ZNF491: variants seen among roughly 807,000 people sequenced by gnomAD.
The protein encoded by ZNF491 is zinc finger protein 491.
In ZNF491, 22 loss-of-function variants were observed where a neutral mutation model predicts 34.7. That is an observed-to-expected ratio of 0.63 (90% CI 0.45 to 0.90). The LOEUF (loss-of-function observed/expected upper bound fraction) is 0.90. Ranked by LOEUF, ZNF491 falls within the 40% of genes least tolerant of loss-of-function variation. The probability of loss-of-function intolerance (pLI) is 0.00; values close to 1 mark genes in which losing one functional copy is unlikely to be tolerated. For synonymous variants in ZNF491, 148 were observed against 174.3 expected (o/e 0.85, Z 1.19); for missense variants, 559 against 531.7 (o/e 1.05, Z -0.51).
chr19:11,806,711 C>A lies in ZNF491; in HGVS notation c.758C>A (p.Ser253Tyr), dbSNP rs564370951. 5.6e-6 allele frequency: 9 copies of A among 1,613,470 alleles called. No individual in the cohort carries two copies. The Admixed American group carries it at 1.5e-4, about 27-fold the overall frequency. ...TGTAAACTATATGGGAAAGCATTAT[C>A]TCGCCTTATAAGCTTTCGAAGACAC... Reference protein sequence around the residue: ...YECKLYGKALSRLISFRRHMR... With the variant: ...YECKLYGKALYRLISFRRHMR... The change falls in exon 3 of 3, where the codon TCT becomes TAT. Residue 253 changes from serine (S) to tyrosine (Y), a missense_variant. Coordinates refer to ENST00000323169, the MANE Select transcript of ZNF491 (RefSeq NM_152356.4).
chr19:11,806,126 C>T lies in ZNF491; in HGVS notation c.173C>T (p.Thr58Ile). Reference sequence around the variant, plus strand: ...TCATCCTTTAATAGGAACATCAGAACTGACACTGGACACCAACCACATAAG... The same window carrying T: ...TCATCCTTTAATAGGAACATCAGAATTGACACTGGACACCAACCACATAAG... ...GYSSFNRNIR[T>I]DTGHQPHKCQ... Residue 58 changes from threonine (T) to isoleucine (I), a missense_variant, in exon 3 of 3, where the codon ACT (threonine) becomes ATT (isoleucine). Physicochemically the swap from Thr to Ile is moderately conservative, Grantham distance 89. Transcript: ENST00000323169. The T allele has an allele frequency of 6.2e-7, 1 of 1,613,890 alleles. No homozygotes were observed.
rs1975614941 is a variant in ZNF491 at position 11,806,490 on chromosome 19, A to T, written c.537A>T (p.Arg179Ser). 8 of 1,613,968 alleles carry T rather than the reference A, an allele frequency of 5.0e-6. No homozygotes were observed. The highest frequency in any genetic ancestry group is 2.2e-5 in the South Asian group (2 of 91,048). ...SWHSSVRIHE[R>S]THTGEKPYEC... ...ACAGTTCTGTTCGAATCCATGAAAG[A>T]ACTCACACTGGGGAGAAGCCATATG... Residue 179 changes from arginine (R) to serine (S), a missense_variant, in exon 3 of 3, where the codon AGA (arginine) becomes AGT (serine). Transcript: ENST00000323169.
chr19:11,803,007 A>C (rs1057088658), intron 1 of ZNF491, among the ~76,000 whole-genome samples: 2 of 145,974 alleles, frequency 1.4e-5, no homozygotes, highest in Admixed American at 1.4e-4. Context: ...TCCAAGATGG[A>C]CTCTCACTCT....
At chr19:11,805,516 A>T (rs887788617) in intron 2 of ZNF491, among the ~76,000 whole-genome samples, 12 of 151,976 alleles carry the variant, frequency 7.9e-5, no homozygotes, top group African/African-American at 2.9e-4. Flanking sequence ...TGTTTAAACA[A>T]TTCAGACAGG....
intron 1 of ZNF491, 127 bp from the exon 2 acceptor site, chr19:11,804,415 C>T: frequency 7.8e-7 from 1 of 1,275,908 alleles, no homozygotes; most frequent in Non-Finnish European, 1.0e-6. Context: ...AGTAAGAGGT[C>T]TGATGACAGA....
chr19:11,807,970 T>C lies in ZNF491; in HGVS notation c.*703T>C, dbSNP rs1975636674. 2 of 167,136 alleles carry C rather than the reference T, an allele frequency of 1.2e-5. No individual in the cohort carries two copies. The highest frequency in any genetic ancestry group is 2.9e-5 in the Non-Finnish European group (2 of 68,134). 10.4% of individuals were successfully genotyped at this position (167,136 alleles called of 1,614,324 possible). ...CTTGCTCTGGTCAGGAAATGTCCAG[T>C]GTTTCCTGTTATCCACAGGAGAATG... On this transcript the variant is annotated 3_prime_UTR_variant, in exon 3 of 3. Coordinates refer to ENST00000323169, the MANE Select transcript of ZNF491 (RefSeq NM_152356.4).
chr19:11,807,144 T>C lies in ZNF491; in HGVS notation c.1191T>C (p.Tyr397=), dbSNP rs1162944409. ...HCGKAFTCSI[Y]IRIHERIHTG... ...GGAAAGCCTTCACTTGTTCCATATA[T>C]ATTAGAATACATGAAAGAATTCACA... is the stretch of plus-strand genomic sequence containing the variant. Residue 397 remains tyrosine, a synonymous_variant, in exon 3 of 3, where the codon TAT becomes TAC. Transcript: ENST00000323169. The C allele has an allele frequency of 2.5e-6, 4 of 1,608,920 alleles. No homozygotes were observed. The South Asian group carries it at 3.3e-5, about 13-fold the overall frequency.
intron 1 of ZNF491, among the ~76,000 whole-genome samples, chr19:11,803,358 C>T (rs936472681): frequency 6.6e-6 from 1 of 152,162 alleles, no homozygotes; most frequent in Non-Finnish European, 1.5e-5. Flanking sequence ...CCCATATACC[C>T]GTCACCCATT....
intron 2 of ZNF491, among the ~76,000 whole-genome samples, chr19:11,805,133 G>A (rs1466502756): frequency 6.6e-6 from 1 of 152,164 alleles, no homozygotes; most frequent in South Asian, 2.1e-4. Context: ...ACCTCAGCTG[G>A]CCGTGGTGGC....
At position 11,806,617 on chromosome 19, in the gene ZNF491, A is replaced by G. The variant is rs752768986; in HGVS notation, c.664A>G (p.Lys222Glu). 1.2e-6 allele frequency: 2 copies of G among 1,613,942 alleles called. No individual in the cohort carries two copies. Among genetic ancestry groups the G allele is most frequent in the African/African-American group, 2.7e-5 (2 of 74,936 alleles). ...GCCGTACAAATGTAAGGAATGTGGG[A>G]AAGCCTTCAATTGTCCCAGTTCTTT... ...EKPYKCKECG[K>E]AFNCPSSFHR... Residue 222 changes from lysine to glutamate, a missense_variant, in exon 3 of 3, where the codon AAA (lysine) becomes GAA (glutamate). Coordinates refer to ENST00000323169, the MANE Select transcript of ZNF491 (RefSeq NM_152356.4).
rs1051832110 is a variant in ZNF491, at chr19:11,807,014, C to G, written c.1061C>G (p.Pro354Arg). 1 of 1,611,598 alleles carries G rather than the reference C, an allele frequency of 6.2e-7. No individual in the cohort carries two copies. Among genetic ancestry groups the G allele is most frequent in the East Asian group, 2.2e-5 (1 of 44,860 alleles). The stretch of plus-strand genomic sequence containing the variant: ...GGAAGGACTCACACTGGTGAGAAAC[C>G]CTATGAATGTAAGCAATGTGGGAAA... ...IHGRTHTGEKPYECKQCGKAF... is the reference protein window; with the variant it reads ...IHGRTHTGEKRYECKQCGKAF... The change falls in exon 3 of 3, where the codon CCC (proline) becomes CGC (arginine). Residue 354 changes from proline to arginine, a missense_variant. By Grantham distance (103) the Pro-to-Arg change is moderately radical. Transcript: ENST00000323169.
At chr19:11,803,276 C>A (rs992841759) in intron 1 of ZNF491, among the ~76,000 whole-genome samples, 4 of 152,114 alleles carry the variant, frequency 2.6e-5, no homozygotes, top group Non-Finnish European at 4.4e-5. Flanking sequence ...AGCTACCATA[C>A]CTGGCCATAA....
intron 1 of ZNF491, among the ~76,000 whole-genome samples, chr19:11,802,404 A>G (rs1206447270): frequency 6.6e-6 from 1 of 152,170 alleles, no homozygotes; most frequent in East Asian, 1.9e-4. Flanking sequence ...AATTAAGACC[A>G]TACCAGATAT....
At position 11,804,658 on chromosome 19, in the gene ZNF491, A is replaced by C; in HGVS notation, c.-17A>C. ...GATGCAGGAAACCTTCACGAACCTC[A>C]TCTGTATAGGTAGGGGTGACAATAT... is the stretch of plus-strand genomic sequence containing the variant. On this transcript the variant is annotated 5_prime_UTR_variant, in exon 2 of 3. Coordinates refer to ENST00000323169, the MANE Select transcript of ZNF491 (RefSeq NM_152356.4). 318 of 1,391,016 alleles carry C rather than the reference A, an allele frequency of 2.3e-4. No homozygotes were observed. Among genetic ancestry groups the C allele is most frequent in the Middle Eastern group, 3.9e-4 (2 of 5,150 alleles). 86.2% of individuals were successfully genotyped at this position (1,391,016 alleles called of 1,614,324 possible).
At chr19:11,799,928 T>TAAA (rs34687839) in intron 1 of ZNF491, among the ~76,000 whole-genome samples, 1 of 145,470 alleles carries the variant, frequency 6.9e-6, no homozygotes, top group African/African-American at 2.5e-5. Flanking sequence ...GAGACTCTGT[T>TAAA]AAAAAAAAAA....
chr19:11,802,417 G>A (rs771796285), intron 1 of ZNF491, among the ~76,000 whole-genome samples: 5 of 152,032 alleles, frequency 3.3e-5, no homozygotes, highest in Non-Finnish European at 7.4e-5. Context: ...CCAGATATAT[G>A]ACTTACCAAC....
At chr19:11,803,248 G>T (rs1260997669) in intron 1 of ZNF491, among the ~76,000 whole-genome samples, 1 of 152,104 alleles carries the variant, frequency 6.6e-6, no homozygotes, top group Non-Finnish European at 1.5e-5. Flanking sequence ...CTCCCAAAGT[G>T]CTGGGATTAC....
At position 11,798,693 on chromosome 19, in the gene ZNF491, A is replaced by C. The variant is rs1047949333; in HGVS notation, c.-168A>C. The C allele has an allele frequency of 1.3e-5, 2 of 152,350 alleles. No individual in the cohort carries two copies. Among genetic ancestry groups the C allele is most frequent in the African/African-American group, 4.8e-5 (2 of 41,444 alleles). 9.4% of individuals were successfully genotyped at this position (152,350 alleles called of 1,614,324 possible). A position where few individuals can be genotyped will look rare whatever the true frequency, so the allele number is the denominator to read the frequency against. On this transcript the variant is annotated 5_prime_UTR_variant, in exon 1 of 3. Transcript: ENST00000323169. The surrounding 1 kb of genome is among the most constrained non-coding windows in gnomAD (Gnocchi z 4.0). Reference sequence around the variant, plus strand: ...CGCTGTGACCTGCTCCGGAGTCATAAAGAGGACGCCGGGACACCAAGAAGC... The same window carrying C: ...CGCTGTGACCTGCTCCGGAGTCATACAGAGGACGCCGGGACACCAAGAAGC...
Position 11,807,462 on chromosome 19 carries a change from G to A in ZNF491, c.*195G>A, listed in dbSNP as rs1975631742. The A allele has an allele frequency of 6.5e-6, 3 of 461,050 alleles. No homozygotes were observed. The highest frequency in any genetic ancestry group is 3.3e-5 in the East Asian group (1 of 30,206). 28.6% of individuals were successfully genotyped at this position (461,050 alleles called of 1,614,324 possible). A position where few individuals can be genotyped will look rare whatever the true frequency, so the allele number is the denominator to read the frequency against. ...GGTGGCCTATCTTACATATGATTTC[G>A]AAGGCAGACATGAGGAAGGCCTTAG... On this transcript the variant is annotated 3_prime_UTR_variant, in exon 3 of 3. Transcript: ENST00000323169.
Sources: allele counts gnomAD v4.1 joint callset (sites outside exome capture counted in the v4.1 genomes callset), GRCh38; gene constraint gnomAD v4.1.1; non-coding constraint Gnocchi (gnomAD v3.1); transcripts MANE v1.5; gene names NCBI Gene and HGNC (gene_info 2026-07-23, HGNC 2026-07-21).